Variants in SOX8 observed in about 807,000 individuals in gnomAD.
SOX8 encodes transcription factor SOX-8.
In SOX8, 9 loss-of-function variants were observed where a neutral mutation model predicts 22.9. That is an observed-to-expected ratio of 0.39 (90% CI 0.24 to 0.69). The LOEUF is 0.69. Ranked by LOEUF, SOX8 falls within the 30% of genes least tolerant of loss-of-function variation. The pLI is 0.43. For synonymous variants in SOX8, 416 were observed against 330.6 expected, an observed-to-expected ratio of 1.26 and a Z score of -2.80; for missense variants, 734 against 699.4, an observed-to-expected ratio of 1.05 and a Z score of -0.56.
intron 1 of SOX8, chr16:982,577 G>T (rs1312792776): frequency 1.9e-5 from 8 of 416,728 alleles, no homozygotes; most frequent in East Asian, 1.1e-4. Flanking sequence ...AGCGCCTGGG[G>T]TGTGCACCCT....
At chr16:982,480 G>C in intron 1 of SOX8, 136 bp downstream of exon 1, 1 of 988,324 alleles carries the variant, frequency 1.0e-6, no homozygotes, top group Non-Finnish European at 1.3e-6. Flanking sequence ...CACCCCGGGC[G>C]GGTGTCAGGG....
rs535903934 is a variant in SOX8, at chr16:985,399, G to C, written c.*13G>C. ...GACCAGGCCCTGAGGGCCCAGCCGC[G>C]GGGAGGGACTCGCAGGCGTCAGGGG... On this transcript the variant is annotated 3_prime_UTR_variant, in exon 3 of 3. Transcript: ENST00000293894. 11 of 1,516,768 alleles carry C rather than the reference G, an allele frequency of 7.3e-6. No homozygotes were observed. The highest frequency in any genetic ancestry group is 1.4e-5 in the African/African-American group (1 of 72,388). 94.0% of individuals were successfully genotyped at this position (1,516,768 alleles called of 1,614,324 possible). A position where few individuals can be genotyped will look rare whatever the true frequency, so the allele number is the denominator to read the frequency against.
In SOX8 at chr16:982,664, G is replaced by A. The variant is rs553254346; in HGVS notation, c.422+320G>A. On this transcript the variant is annotated intron_variant, in intron 1 of 2. Coordinates refer to ENST00000293894, the MANE Select transcript of SOX8 (RefSeq NM_014587.5). ...AGGGCCATGGCTGGCACCCCGACGT[G>A]CCCTCCAGCCGTTGCGAGTGGCCCC... 7 of 276,768 alleles carry A rather than the reference G, an allele frequency of 2.5e-5. No homozygotes were observed. In the South Asian group the frequency reaches 1.2e-3, roughly 46 times the overall value. The allele number at this position is 276,768 out of a possible 1,614,324, so 17.1% of individuals were successfully genotyped here. A position where few individuals can be genotyped will look rare whatever the true frequency, so the allele number is the denominator to read the frequency against.
chr16:985,468 GC>G lies in SOX8; in HGVS notation c.*86del. Reference sequence around the variant, plus strand: ...AGTGTGTGTGACCAGGGCGGGAGGGGCCCCAGTGGCTGAGCTCCAAGTGCCT... The same window carrying G: ...AGTGTGTGTGACCAGGGCGGGAGGGGCCCAGTGGCTGAGCTCCAAGTGCCT... On this transcript the variant is annotated 3_prime_UTR_variant, in exon 3 of 3. Coordinates refer to ENST00000293894, the MANE Select transcript of SOX8 (RefSeq NM_014587.5). 4 of 1,181,658 alleles carry G rather than the reference GC, an allele frequency of 3.4e-6. No individual in the cohort carries two copies. The highest frequency in any genetic ancestry group is 2.9e-5 in the Admixed American group (1 of 34,528). The allele number at this position is 1,181,658 out of a possible 1,614,324, so 73.2% of individuals were successfully genotyped here. A position where few individuals can be genotyped will look rare whatever the true frequency, so the allele number is the denominator to read the frequency against.
intron 1 of SOX8, 185 bp from the exon 2 acceptor site, chr16:983,543 G>A (rs1421621415): frequency 2.0e-6 from 1 of 501,662 alleles, no homozygotes; most frequent in Non-Finnish European, 3.5e-6. Flanking sequence ...AACAGGCGCC[G>A]GCCGGTTCTC....
Position 983,776 on chromosome 16 carries a change from C to A in SOX8, c.471C>A (p.Arg157=), listed in dbSNP as rs2151521504. 1 of 1,612,832 alleles carries A rather than the reference C, an allele frequency of 6.2e-7. No homozygotes were observed. The highest frequency in any genetic ancestry group is 8.5e-7 in the Non-Finnish European group (1 of 1,179,824). The part of the protein sequence containing the change: ...EKRPFVEEAE[R]LRVQHKKDHP... ...GGCCCTTCGTGGAGGAGGCAGAGCG[C>A]CTTCGCGTGCAGCACAAGAAGGACC... The change falls in exon 2 of 3, where the codon CGC becomes CGA. Residue 157 remains arginine, a synonymous_variant. Coordinates refer to ENST00000293894, the MANE Select transcript of SOX8 (RefSeq NM_014587.5).
At position 982,191 on chromosome 16, in the gene SOX8, G is replaced by A; in HGVS notation, c.269G>A (p.Gly90Asp). 6.7e-7 allele frequency: 1 copy of A among 1,503,502 alleles called. No homozygotes were observed. Among genetic ancestry groups the A allele is most frequent in the South Asian group, 1.2e-5 (1 of 80,146 alleles). 93.1% of individuals were successfully genotyped at this position (1,503,502 alleles called of 1,614,324 possible). Residue 90 changes from glycine (G) to aspartate (D), a missense_variant, in exon 1 of 3, where the codon GGC (glycine) becomes GAC (aspartate). Around this residue, in one of 3 missense-constraint regions of SOX8, gnomAD observed 588 missense variants for 568.2 expected, o/e 1.03. Coordinates refer to ENST00000293894, the MANE Select transcript of SOX8 (RefSeq NM_014587.5). ...DWSLVPMPVR[G>D]GGGGALKAKP... ...AGTCTGGTGCCCATGCCGGTGCGCG[G>A]CGGCGGCGGCGGCGCGCTCAAAGCC...
rs913409736 is a variant in SOX8, at chr16:986,509, C to G, written c.*1123C>G. The G allele has an allele frequency of 2.6e-5, 4 of 152,372 alleles. No homozygotes were observed. Among genetic ancestry groups the G allele is most frequent in the African/African-American group, 9.6e-5 (4 of 41,454 alleles). 9.4% of individuals were successfully genotyped at this position (152,372 alleles called of 1,614,324 possible). A position where few individuals can be genotyped will look rare whatever the true frequency, so the allele number is the denominator to read the frequency against. On this transcript the variant is annotated 3_prime_UTR_variant, in exon 3 of 3. Transcript: ENST00000293894. Reference sequence around the variant, plus strand: ...CACAGGAATTCCTGGAAAGTGGTGGCTTCAGAAGTGATCTTGGCTCGCAGG... The same window carrying G: ...CACAGGAATTCCTGGAAAGTGGTGGGTTCAGAAGTGATCTTGGCTCGCAGG...
Position 985,695 on chromosome 16 carries a change from T to G in SOX8, c.*309T>G. 3 of 355,610 alleles carry G rather than the reference T, an allele frequency of 8.4e-6. No individual in the cohort carries two copies. The highest frequency in any genetic ancestry group is 5.5e-5 in the South Asian group (1 of 18,084). 22.0% of individuals were successfully genotyped at this position (355,610 alleles called of 1,614,324 possible). The stretch of plus-strand genomic sequence containing the variant: ...CCAGCACCTTCGCTTTGCATCTCGG[T>G]AGAGGAGAAACGGCAGCACAGCCCA... On this transcript the variant is annotated 3_prime_UTR_variant, in exon 3 of 3. Transcript: ENST00000293894.
intron 1 of SOX8, 91 bp downstream of exon 1, chr16:982,435 C>A: frequency 8.1e-7 from 1 of 1,238,232 alleles, no homozygotes; most frequent in East Asian, 3.2e-5. Context: ...GCAGAGCTCG[C>A]GGAGGTGGTG....
chr16:985,291 G>A lies in SOX8; in HGVS notation c.1246G>A (p.Ala416Thr), dbSNP rs201602067. ...PCFHSPRRPY[A>T]SPLLNGLALP... ...CTTCCACTCGCCGCGCCGGCCCTAC[G>A]CCTCACCCCTGCTCAACGGCCTGGC... The change falls in exon 3 of 3, where the codon GCC (alanine) becomes ACC (threonine). Residue 416 changes from alanine to threonine, a missense_variant. Physicochemically the swap from Ala to Thr is moderately conservative, Grantham distance 58. This residue lies in a region of SOX8 where 588 missense variants were observed against 568.2 expected (regional missense o/e 1.03). Coordinates refer to ENST00000293894, the MANE Select transcript of SOX8 (RefSeq NM_014587.5). The A allele has an allele frequency of 3.7e-4, 595 of 1,610,498 alleles. No individual in the cohort carries two copies. The highest frequency in any genetic ancestry group is 5.2e-4 in the Admixed American group (31 of 59,966).
chr16:982,459 T>C (rs2073405040), intron 1 of SOX8, 115 bp downstream of exon 1: 2 of 1,123,702 alleles, frequency 1.8e-6, no homozygotes, highest in African/African-American at 3.2e-5. Flanking sequence ...ACACGCAGGC[T>C]CCGGGCTCTG....
At position 984,723 on chromosome 16, in the gene SOX8, C is replaced by G; in HGVS notation, c.678C>G (p.Thr226=). Residue 226 remains threonine (T), a synonymous_variant, in exon 3 of 3, where the codon ACC becomes ACG. Coordinates refer to ENST00000293894, the MANE Select transcript of SOX8 (RefSeq NM_014587.5). ...CAGGGCAGACCCACGGGCCGCCCAC[C>G]CCGCCCACCACCCCCAAGACGGAGC... ...DHTGQTHGPP[T]PPTTPKTELQ... 6.4e-7 allele frequency: 1 copy of G among 1,558,384 alleles called. No individual in the cohort carries two copies. Among genetic ancestry groups the G allele is most frequent in the Non-Finnish European group, 8.7e-7 (1 of 1,155,758 alleles).
rs1217336762 is a variant in SOX8 at position 986,139 on chromosome 16, C to T, written c.*753C>T. 1 of 152,188 alleles carries T rather than the reference C, an allele frequency of 6.6e-6. No individual in the cohort carries two copies. Among genetic ancestry groups the T allele is most frequent in the African/African-American group, 2.4e-5 (1 of 41,448 alleles). The allele number at this position is 152,188 out of a possible 1,614,324, so 9.4% of individuals were successfully genotyped here. A position where few individuals can be genotyped will look rare whatever the true frequency, so the allele number is the denominator to read the frequency against. Reference sequence around the variant, plus strand: ...AGACAAAACGGAAGCTGGGAAGCTTCCCTTGAGGGCAGGCAGGAGGTGGAG... The same window carrying T: ...AGACAAAACGGAAGCTGGGAAGCTTTCCTTGAGGGCAGGCAGGAGGTGGAG... On this transcript the variant is annotated 3_prime_UTR_variant, in exon 3 of 3. Transcript: ENST00000293894.
Position 986,860 on chromosome 16 carries a change from T to C in SOX8, c.*1474T>C, listed in dbSNP as rs1065368. ...GACCCGTTTCATGCAGCGTCTCCCT[T>C]GGCACCGCGTTCGGAGGACGCACCC... On this transcript the variant is annotated 3_prime_UTR_variant, in exon 3 of 3. Transcript: ENST00000293894. The C allele has an allele frequency of 0.57, 87,343 of 152,244 alleles. 27,051 individuals carry two copies. Among genetic ancestry groups the C allele is most frequent in the African/African-American group, 0.82 (34,111 of 41,512 alleles). 9.4% of individuals were successfully genotyped at this position (152,244 alleles called of 1,614,324 possible).
Position 985,084 on chromosome 16 carries a change from C to T in SOX8, c.1039C>T (p.His347Tyr). ...HIKTEQPSPG[H>Y]YGDQPRGSPD... ...CAAGACGGAGCAGCCGAGCCCCGGC[C>T]ACTACGGCGACCAGCCCCGAGGCTC... The change falls in exon 3 of 3, where the codon CAC becomes TAC. Residue 347 changes from histidine (H) to tyrosine (Y), a missense_variant. Physicochemically the swap from His to Tyr is moderately conservative, Grantham distance 83. Transcript: ENST00000293894. 6.3e-7 allele frequency: 1 copy of T among 1,590,048 alleles called. No individual in the cohort carries two copies. Among genetic ancestry groups the T allele is most frequent in the East Asian group, 2.3e-5 (1 of 44,288 alleles).
In SOX8 at chr16:982,513, C is replaced by T. The variant is rs574342864; in HGVS notation, c.422+169C>T. 1.9e-4 allele frequency: 137 copies of T among 710,596 alleles called. No individual in the cohort carries two copies. In the African/African-American group the frequency reaches 2.4e-3, roughly 12 times the overall value. The allele number at this position is 710,596 out of a possible 1,614,324, so 44.0% of individuals were successfully genotyped here. ...GGGCGGGTCCCAGTGGAAAAACATC[C>T]TCTGGCCAGCCGGGGTCCGGCGCCA... On this transcript the variant is annotated intron_variant, in intron 1 of 2. Coordinates refer to ENST00000293894, the MANE Select transcript of SOX8 (RefSeq NM_014587.5).
intron 2 of SOX8, 78 bp downstream of exon 2, chr16:984,038 A>G (rs1359111932): frequency 7.9e-7 from 1 of 1,263,900 alleles, no homozygotes; most frequent in Non-Finnish European, 1.1e-6. Context: ...AGAAGGGTGC[A>G]TGATGGTGGA....
chr16:984,540 C>T (rs2073437152), intron 2 of SOX8, among the ~76,000 whole-genome samples, 161 bp from the exon 3 acceptor site: 1 of 152,348 alleles, frequency 6.6e-6, no homozygotes, highest in African/African-American at 2.4e-5. Context: ...GGAGTGAGGT[C>T]TAGGTCTGAC....
Sources: allele counts gnomAD v4.1 joint callset (sites outside exome capture counted in the v4.1 genomes callset), GRCh38; gene constraint gnomAD v4.1.1; regional missense constraint gnomAD v4.1.1; transcripts MANE v1.5; gene names NCBI Gene and HGNC (gene_info 2026-07-23, HGNC 2026-07-21).